Variants in NCKAP5 observed in about 807,000 individuals in gnomAD.
The protein encoded by NCKAP5 is nck-associated protein 5.
NCKAP5 carries 92 observed loss-of-function variants against 167.0 expected under a neutral mutation model. The ratio of observed to expected loss-of-function variants is 0.55; its 90% CI spans 0.47 to 0.66. The LOEUF is 0.66. Ranked by LOEUF, NCKAP5 falls within the 30% of genes least tolerant of loss-of-function variation. The pLI is 0.00. For missense variants in NCKAP5, 2,378 were observed against 2,315.0 expected, an observed-to-expected ratio of 1.03 and a Z score of -0.56; for synonymous variants, 891 against 877.4, an observed-to-expected ratio of 1.02 and a Z score of -0.27.
chr2:132,740,808 G>C (rs1240461662), intron 16 of NCKAP5, among the ~76,000 whole-genome samples: 1 of 151,982 alleles, frequency 6.6e-6, no homozygotes, highest in Non-Finnish European at 1.5e-5. Flanking sequence ...GAGTTGCATA[G>C]GGGATGAATA....
intron 3 of NCKAP5, among the ~76,000 whole-genome samples, chr2:133,509,325 A>G (rs1322843404): frequency 6.6e-6 from 1 of 152,214 alleles, no homozygotes; most frequent in Non-Finnish European, 1.5e-5. Flanking sequence ...AGGACACCAT[A>G]TTAATAATCT....
At chr2:132,961,410 C>T (rs2076507878) in intron 8 of NCKAP5, among the ~76,000 whole-genome samples, 1 of 151,456 alleles carries the variant, frequency 6.6e-6, no homozygotes, top group South Asian at 2.1e-4. Context: ...TTCTTATTAC[C>T]TGTTCAAGTA....
intron 5 of NCKAP5, among the ~76,000 whole-genome samples, chr2:133,145,649 C>T (rs1467778570): frequency 6.6e-6 from 1 of 152,014 alleles, no homozygotes; most frequent in Non-Finnish European, 1.5e-5. Flanking sequence ...CTTTTACCAA[C>T]AACTTAACTC....
intron 3 of NCKAP5, among the ~76,000 whole-genome samples, chr2:133,507,064 C>T (rs1035695918): frequency 6.6e-6 from 1 of 152,204 alleles, no homozygotes; most frequent in African/African-American, 2.4e-5. Context: ...CACCCACAGT[C>T]TAGCCCGGAG....
chr2:133,123,239 T>C (rs556656622), intron 6 of NCKAP5: 1 of 152,446 alleles, frequency 6.6e-6, no homozygotes, highest in Non-Finnish European at 1.5e-5. Context: ...AATAAAGTAA[T>C]GTTCAGCTTT....
At chr2:133,650,037 C>T in the NCKAP5 span, among the ~76,000 whole-genome samples, 8 of 151,804 alleles carry the variant, frequency 5.3e-5, no homozygotes, top group African/African-American at 9.7e-5. Flanking sequence ...GATATAAAAT[C>T]GATGTAAAAA....
At chr2:132,758,265 T>A (rs11687264) in intron 16 of NCKAP5, among the ~76,000 whole-genome samples, 4 of 152,142 alleles carry the variant, frequency 2.6e-5, no homozygotes, top group Non-Finnish European at 5.9e-5. Flanking sequence ...ATCATTTTCA[T>A]GGCTGCGGTT....
chr2:133,560,293 A>G (rs1452835476), intron 1 of NCKAP5, among the ~76,000 whole-genome samples: 1 of 152,226 alleles, frequency 6.6e-6, no homozygotes, highest in Non-Finnish European at 1.5e-5. Flanking sequence ...ATGGACGCCT[A>G]CTGTGGGCCA....
rs925855863 is a variant in NCKAP5 at position 133,003,815 on chromosome 2, C to T, written c.342-9576G>A. Among the ~76,000 whole-genome samples, 3 of 152,136 alleles carry T rather than the reference C, an allele frequency of 2.0e-5. No homozygotes were observed. In the South Asian group the frequency reaches 6.2e-4, roughly 32 times the overall value. ...ATAAACAGATCGAAAGATGCTAGTC[C>T]AATTTGAATTACTGCATCATATTCA... On this transcript the variant is annotated intron_variant, in intron 6 of 19. Coordinates refer to ENST00000409261, the MANE Select transcript of NCKAP5 (RefSeq NM_207363.3).
At chr2:132,733,979 C>T (rs939658312) in intron 16 of NCKAP5, among the ~76,000 whole-genome samples, 13 of 152,148 alleles carry the variant, frequency 8.5e-5, no homozygotes, top group Non-Finnish European at 1.5e-4. Flanking sequence ...GTCATTTAAC[C>T]ATCTCATATG....
At chr2:133,009,324 G>A (rs1208266761) in intron 6 of NCKAP5, among the ~76,000 whole-genome samples, 2 of 152,082 alleles carry the variant, frequency 1.3e-5, no homozygotes, top group Non-Finnish European at 2.9e-5. Flanking sequence ...GCTCATTAGG[G>A]ACTCTTATGC....
intron 3 of NCKAP5, among the ~76,000 whole-genome samples, chr2:133,483,968 A>G (rs1680688003): frequency 6.6e-6 from 1 of 152,224 alleles, no homozygotes; most frequent in South Asian, 2.1e-4. Flanking sequence ...GCCTGTGGTT[A>G]TAATTTTATT....
chr2:133,106,799 C>T (rs1194822602), intron 6 of NCKAP5, among the ~76,000 whole-genome samples: 2 of 152,054 alleles, frequency 1.3e-5, no homozygotes, highest in African/African-American at 2.4e-5. Flanking sequence ...AATGTTATAG[C>T]GAGAAGTTTA....
At chr2:133,271,454 A>G (rs925031770) in intron 4 of NCKAP5, among the ~76,000 whole-genome samples, 3 of 150,030 alleles carry the variant, frequency 2.0e-5, no homozygotes, top group Non-Finnish European at 4.5e-5. Context: ...TTTTTGCAAT[A>G]TATTTTTGCA....
intron 5 of NCKAP5, among the ~76,000 whole-genome samples, chr2:133,199,495 C>G (rs767713873): frequency 6.6e-6 from 1 of 151,976 alleles, no homozygotes; most frequent in Non-Finnish European, 1.5e-5. Context: ...CTTTTATCAT[C>G]AAGGTAATGC....
At chr2:133,474,123 T>TCTAA (rs1259636850) in intron 3 of NCKAP5, among the ~76,000 whole-genome samples, 3 of 144,906 alleles carry the variant, frequency 2.1e-5, no homozygotes, top group Admixed American at 6.7e-5. Flanking sequence ...TATCTATCTA[T>TCTAA]CTATCTATCT....
At chr2:133,168,988 G>C (rs1400241200) in intron 5 of NCKAP5, among the ~76,000 whole-genome samples, 1 of 152,072 alleles carries the variant, frequency 6.6e-6, no homozygotes, top group Non-Finnish European at 1.5e-5. Context: ...GGGACCCAGG[G>C]GACATGCTAG....
At chr2:133,448,131 C>T (rs1691320603) in intron 3 of NCKAP5, among the ~76,000 whole-genome samples, 1 of 152,008 alleles carries the variant, frequency 6.6e-6, no homozygotes, top group Non-Finnish European at 1.5e-5. Flanking sequence ...CTACTTTATT[C>T]CTCTGAAAAT....
At chr2:133,274,581 C>T (rs934440180) in intron 4 of NCKAP5, among the ~76,000 whole-genome samples, 7 of 151,956 alleles carry the variant, frequency 4.6e-5, no homozygotes, top group Admixed American at 2.0e-4. Flanking sequence ...AAACCTCTAA[C>T]ATTCCAAAAA....
Sources: gnomAD v4.1 joint callset for allele counts (sites outside exome capture counted in the v4.1 genomes callset) on GRCh38, gnomAD v4.1.1 for gene constraint, MANE v1.5 for transcripts, NCBI Gene and HGNC (gene_info 2026-07-23, HGNC 2026-07-21) for gene names.